Variants in CNTNAP2 observed in about 807,000 individuals in gnomAD.
CNTNAP2 encodes contactin associated protein 2.
CNTNAP2 carries 98 observed loss-of-function variants against 155.2 expected under a neutral mutation model. The observed-to-expected ratio is 0.63, with a 90% CI of 0.54 to 0.75. The LOEUF is 0.75. Among genes scored for constraint, CNTNAP2 ranks in the 30% least tolerant of loss-of-function variants. CNTNAP2 has a pLI of 0.00. For missense variants in CNTNAP2, 1,727 were observed against 1,688.1 expected (o/e 1.02, Z -0.40); for synonymous variants, 651 against 631.2 (o/e 1.03, Z -0.47).
intron 3 of CNTNAP2, among the ~76,000 whole-genome samples, chr7:146,875,343 T>TTCCCCACAGC (rs1433580704): frequency 1.3e-5 from 2 of 152,186 alleles, no homozygotes; most frequent in African/African-American, 4.8e-5. Flanking sequence ...GGCCTCAATG[T>TTCCCCACAGC]TCCCCACAGC....
At chr7:146,371,534 A>T (rs984007018) in intron 1 of CNTNAP2, among the ~76,000 whole-genome samples, 1 of 151,602 alleles carries the variant, frequency 6.6e-6, no homozygotes, top group Non-Finnish European at 1.5e-5. Flanking sequence ...GCGCCAGCTA[A>T]TTTTTTTATT....
rs1433548284 is a variant in CNTNAP2 at position 146,744,991 on chromosome 7, T to G, written c.98-29280T>G. Reference sequence around the variant, plus strand: ...AAGTGGTGAATATTCAACTCCCTAATCCAATCCTTTTTCTTTCAGAACAAC... The same window carrying G: ...AAGTGGTGAATATTCAACTCCCTAAGCCAATCCTTTTTCTTTCAGAACAAC... On this transcript the variant is annotated intron_variant, in intron 1 of 23. Coordinates refer to ENST00000361727, the MANE Select transcript of CNTNAP2 (RefSeq NM_014141.6). 2.0e-5 allele frequency among the ~76,000 whole-genome samples: 3 copies of G among 152,212 alleles called. No homozygotes were observed. In the East Asian group the frequency reaches 5.8e-4, roughly 29 times the overall value.
chr7:146,505,729 A>G (rs999071606), intron 1 of CNTNAP2, among the ~76,000 whole-genome samples: 14 of 152,170 alleles, frequency 9.2e-5, no homozygotes, highest in Non-Finnish European at 2.1e-4. Context: ...CCCTGCCTTT[A>G]CAGACATTGG....
rs369921859 is a variant in CNTNAP2, at chr7:147,719,237, G to T, written c.2098+79931G>T. On this transcript the variant is annotated intron_variant, in intron 13 of 23. Transcript: ENST00000361727. ...AGCACTGCCAAATGCCCCACCCACA[G>T]ATCTCTACTCCAACTGCAAACAAGC... 6.6e-5 allele frequency among the ~76,000 whole-genome samples: 10 copies of T among 152,142 alleles called. 2 individuals carry two copies. The highest frequency in any genetic ancestry group is 2.4e-4 in the African/African-American group (10 of 41,528).
intron 3 of CNTNAP2, among the ~76,000 whole-genome samples, chr7:146,905,996 G>A (rs1333676820): frequency 2.6e-5 from 4 of 152,344 alleles, no homozygotes; most frequent in Middle Eastern, 3.4e-3. Flanking sequence ...CCTGGGAAGC[G>A]CAAGGGGTCA....
intron 14 of CNTNAP2, among the ~76,000 whole-genome samples, chr7:147,925,283 A>AGCGC (rs138137977): frequency 0.039 from 3,551 of 90,676 alleles, 128 homozygotes; most frequent in Non-Finnish European, 0.044. Context: ...AACACACACA[A>AGCGC]GCGCGCGCGC....
chr7:147,997,550 CTG>C (rs1801824842), intron 15 of CNTNAP2, among the ~76,000 whole-genome samples: 1 of 114,490 alleles, frequency 8.7e-6, no homozygotes, highest in Admixed American at 8.8e-5. Flanking sequence ...GAGCAAAACT[CTG>C]TCTCAAAAAA....
At chr7:148,361,693 G>A (rs1353092561) in intron 21 of CNTNAP2, among the ~76,000 whole-genome samples, 2 of 152,108 alleles carry the variant, frequency 1.3e-5, no homozygotes, top group South Asian at 2.1e-4. Flanking sequence ...ATCTTAACTC[G>A]ACCATTGTAT....
intron 1 of CNTNAP2, among the ~76,000 whole-genome samples, chr7:146,324,929 A>G (rs1452573802): frequency 6.6e-6 from 1 of 152,116 alleles, no homozygotes; most frequent in African/African-American, 2.4e-5. Flanking sequence ...ACAAAATAGT[A>G]AAAATGACAA....
intron 13 of CNTNAP2, among the ~76,000 whole-genome samples, chr7:147,712,151 A>C (rs983762699): frequency 5.3e-5 from 8 of 152,172 alleles, no homozygotes; most frequent in African/African-American, 1.9e-4. Flanking sequence ...AAAAATGCTC[A>C]TCATCGCTGG....
At chr7:147,079,158 A>C (rs1038345079) in intron 4 of CNTNAP2, among the ~76,000 whole-genome samples, 2 of 152,132 alleles carry the variant, frequency 1.3e-5, no homozygotes, top group African/African-American at 2.4e-5. Flanking sequence ...TGTTATAAAG[A>C]TTTTACGCAT....
intron 12 of CNTNAP2, among the ~76,000 whole-genome samples, chr7:147,573,717 C>T (rs981814811): frequency 1.1e-4 from 16 of 152,176 alleles, no homozygotes; most frequent in African/African-American, 3.9e-4. Context: ...GAAGTGTTTG[C>T]TCTCTATATC....
intron 14 of CNTNAP2, among the ~76,000 whole-genome samples, chr7:147,973,520 G>T (rs566064739): frequency 4.6e-5 from 7 of 152,240 alleles, no homozygotes; most frequent in African/African-American, 1.4e-4. Context: ...GTTGATTTGG[G>T]CATGAGGTAG....
At chr7:147,808,329 G>A (rs1354553035) in intron 13 of CNTNAP2, among the ~76,000 whole-genome samples, 1 of 152,214 alleles carries the variant, frequency 6.6e-6, no homozygotes, top group Non-Finnish European at 1.5e-5. Context: ...AAAGTCACAG[G>A]CCAGCCAAGA....
chr7:147,712,308 C>G (rs1225809709), intron 13 of CNTNAP2, among the ~76,000 whole-genome samples: 1 of 152,160 alleles, frequency 6.6e-6, no homozygotes, highest in East Asian at 1.9e-4. Context: ...GGACTGTAAA[C>G]TGGTTCAACC....
intron 1 of CNTNAP2, among the ~76,000 whole-genome samples, chr7:146,426,722 TG>T (rs1796098960): frequency 1.3e-5 from 2 of 151,714 alleles, no homozygotes; most frequent in Non-Finnish European, 2.9e-5. Flanking sequence ...GGAGACGTGT[TG>T]TTCAAACGAC....
intron 1 of CNTNAP2, among the ~76,000 whole-genome samples, chr7:146,321,049 T>G (rs1800991735): frequency 6.6e-6 from 1 of 151,764 alleles, no homozygotes; most frequent in Admixed American, 6.5e-5. Flanking sequence ...AATTTCATAA[T>G]AATTTTCAAA....
chr7:146,553,155 G>A (rs1411476892), intron 1 of CNTNAP2, among the ~76,000 whole-genome samples: 1 of 151,836 alleles, frequency 6.6e-6, no homozygotes, highest in Non-Finnish European at 1.5e-5. Flanking sequence ...TACATAATAG[G>A]TACTCAGTAA....
intron 1 of CNTNAP2, among the ~76,000 whole-genome samples, chr7:146,255,735 A>G (rs1445901884): frequency 1.3e-5 from 2 of 152,184 alleles, no homozygotes; most frequent in South Asian, 2.1e-4. Flanking sequence ...AAAGCCGCAA[A>G]TGTGACTTAA....
Sources: gnomAD v4.1 joint callset for allele counts (sites outside exome capture counted in the v4.1 genomes callset) on GRCh38, gnomAD v4.1.1 for gene constraint, MANE v1.5 for transcripts, NCBI Gene and HGNC (gene_info 2026-07-23, HGNC 2026-07-21) for gene names.